SOX6: variants seen among roughly 807,000 people sequenced by gnomAD.
The protein encoded by SOX6 is SRY-box transcription factor 6.
In SOX6, 11 loss-of-function variants were observed where a neutral mutation model predicts 97.8. The ratio of observed to expected loss-of-function variants is 0.11; its 90% confidence interval spans 0.07 to 0.19. The LOEUF is 0.19. Among genes scored for constraint, SOX6 ranks in the 10% least tolerant of loss-of-function variants. The pLI is 1.00. For missense variants in SOX6, 810 were observed against 1,039.5 expected (o/e 0.78, Z 3.04); for synonymous variants, 360 against 371.4 (o/e 0.97, Z 0.35).
chr11:15,991,741 TCTCAAAGACTGA>T (rs1264849057), intron 13 of SOX6, among the ~76,000 whole-genome samples: 1 of 152,198 alleles, frequency 6.6e-6, no homozygotes, highest in African/African-American at 2.4e-5. Flanking sequence ...AGTTTTACTG[TCTCAAAGACTGA>T]CAGAGATCAT....
intron 4 of SOX6, among the ~76,000 whole-genome samples, chr11:16,187,473 T>C (rs1004137871): frequency 6.6e-6 from 1 of 152,088 alleles, no homozygotes; most frequent in African/African-American, 2.4e-5. Context: ...TAGCAGTCAA[T>C]CTCTTGGCCA....
intron 3 of SOX6, among the ~76,000 whole-genome samples, chr11:16,286,044 C>T (rs1485097838): frequency 6.6e-6 from 1 of 152,104 alleles, no homozygotes; most frequent in Non-Finnish European, 1.5e-5. Context: ...CTCACAAATT[C>T]AGGAAACTGA....
chr11:16,279,089 G>C (rs977329592), intron 3 of SOX6, among the ~76,000 whole-genome samples: 1 of 152,030 alleles, frequency 6.6e-6, no homozygotes, highest in Non-Finnish European at 1.5e-5. Context: ...ACTTTCACAA[G>C]AATGCTGTAA....
At chr11:16,012,872 A>G (rs1238315506) in intron 13 of SOX6, among the ~76,000 whole-genome samples, 4 of 152,088 alleles carry the variant, frequency 2.6e-5, no homozygotes, top group African/African-American at 4.8e-5. Context: ...ATCCTCTAGT[A>G]TATAAACACT....
intron 9 of SOX6, among the ~76,000 whole-genome samples, chr11:16,076,871 A>G (rs1848367695): frequency 2.0e-5 from 3 of 148,844 alleles, no homozygotes; most frequent in Non-Finnish European, 4.4e-5. Flanking sequence ...CTCCTGCCTC[A>G]GCCTCCTGAG....
intron 4 of SOX6, among the ~76,000 whole-genome samples, chr11:16,595,021 T>C (rs549868376): frequency 9.6e-4 from 146 of 152,206 alleles, no homozygotes; most frequent in Non-Finnish European, 1.9e-3. Context: ...AGGAACTTAA[T>C]TGAAAATCTT....
Position 16,104,161 on chromosome 11 carries a change from G to A in SOX6, c.899-6473C>T, listed in dbSNP as rs575931828. On this transcript the variant is annotated intron_variant, in intron 7 of 15. Transcript: ENST00000683767. ...TATTTTCTTCCTGGACCCCAACACC[G>A]ATTTAAAAATTAGGGTGCTAATCTG... Among the ~76,000 whole-genome samples, 175 of 151,908 alleles carry A rather than the reference G, an allele frequency of 1.2e-3. 1 individual carries two copies. Among genetic ancestry groups the A allele is most frequent in the South Asian group, 3.1e-3 (15 of 4,804 alleles).
chr11:16,175,468 G>A (rs1851159265), intron 6 of SOX6, among the ~76,000 whole-genome samples: 1 of 152,020 alleles, frequency 6.6e-6, no homozygotes, highest in South Asian at 2.1e-4. Flanking sequence ...TAGTGGAATT[G>A]TTATTTAAAC....
intron 6 of SOX6, among the ~76,000 whole-genome samples, chr11:16,122,756 T>C (rs1849523277): frequency 1.3e-5 from 2 of 152,066 alleles, no homozygotes; most frequent in Admixed American, 1.3e-4. Context: ...GTAAAAGACT[T>C]TGCACAGAGT....
At chr11:16,102,341 C>T (rs1848969634) in intron 7 of SOX6, among the ~76,000 whole-genome samples, 1 of 151,766 alleles carries the variant, frequency 6.6e-6, no homozygotes, top group African/African-American at 2.4e-5. Context: ...AAGACCTCTA[C>T]AAGAAAACTA....
chr11:16,193,698 A>C (rs535085478), intron 4 of SOX6, among the ~76,000 whole-genome samples: 4 of 152,344 alleles, frequency 2.6e-5, no homozygotes, highest in Admixed American at 2.6e-4. Context: ...CAGTAATTCC[A>C]AAGCAACATC....
intron 6 of SOX6, among the ~76,000 whole-genome samples, chr11:16,123,340 A>T (rs1849538003): frequency 6.6e-6 from 1 of 152,072 alleles, no homozygotes; most frequent in Non-Finnish European, 1.5e-5. Context: ...CCTGAGAAAC[A>T]TAGTGTGGCA....
At chr11:16,570,915 A>C (rs1847931607) in intron 4 of SOX6, among the ~76,000 whole-genome samples, 1 of 152,196 alleles carries the variant, frequency 6.6e-6, no homozygotes. Flanking sequence ...TGGTAATATA[A>C]ATATTTTTAC....
chr11:16,404,249 C>T (rs1565133735), intron 1 of SOX6, among the ~76,000 whole-genome samples: 1 of 151,856 alleles, frequency 6.6e-6, no homozygotes, highest in Non-Finnish European at 1.5e-5. Context: ...TTCATTCAAA[C>T]TGTGCTTTGC....
At chr11:16,689,315 C>A (rs1456058364) in intron 3 of SOX6, among the ~76,000 whole-genome samples, 1 of 152,152 alleles carries the variant, frequency 6.6e-6, no homozygotes, top group Non-Finnish European at 1.5e-5. Context: ...CCTCCCTGGA[C>A]TCCAAATGTA....
chr11:16,513,719 T>C (rs551694413), intron 4 of SOX6, among the ~76,000 whole-genome samples: 1 of 152,270 alleles, frequency 6.6e-6, no homozygotes, highest in East Asian at 1.9e-4. Context: ...TGAGAAGATG[T>C]TGAAATCACA....
At chr11:16,558,286 A>T (rs1373695002) in intron 4 of SOX6, among the ~76,000 whole-genome samples, 1 of 151,922 alleles carries the variant, frequency 6.6e-6, no homozygotes, top group Non-Finnish European at 1.5e-5. Flanking sequence ...CTGTCCTGGG[A>T]TTTACCTGGA....
intron 1 of SOX6, among the ~76,000 whole-genome samples, chr11:16,470,835 A>C (rs1307401053): frequency 6.6e-6 from 1 of 152,120 alleles, no homozygotes; most frequent in Non-Finnish European, 1.5e-5. Context: ...CAGCCAATTA[A>C]ATGTCTGCAG....
chr11:16,115,621 G>A (rs770013255), intron 6 of SOX6, among the ~76,000 whole-genome samples: 6 of 152,292 alleles, frequency 3.9e-5, no homozygotes, highest in African/African-American at 1.4e-4. Context: ...TAGGAAAACA[G>A]GTGGCTAGAG....
Sources: gnomAD v4.1 joint callset for allele counts (sites outside exome capture counted in the v4.1 genomes callset) on GRCh38, gnomAD v4.1.1 for gene constraint, MANE v1.5 for transcripts, NCBI Gene and HGNC (gene_info 2026-07-23, HGNC 2026-07-21) for gene names.